The following EYA3 variants were observed in gnomAD, a reference collection of about 807,000 sequenced individuals.
EYA3 encodes the protein EYA transcriptional coactivator and phosphatase 3.
A neutral mutation model predicts 80.0 loss-of-function variants in EYA3; 39 were observed. The observed-to-expected ratio is 0.49, with a 90% CI of 0.38 to 0.64. The LOEUF (loss-of-function observed/expected upper bound fraction) is 0.64, where lower values mean the gene tolerates loss of function less well. EYA3 is among the 30% of genes least tolerant of loss of function. The pLI, the probability that EYA3 is intolerant of heterozygous loss-of-function variation, is 0.00. For missense variants in EYA3, 523 were observed against 676.1 expected (o/e 0.77, Z 2.51); for synonymous variants, 206 against 232.8 (o/e 0.88, Z 1.05).
chr1:27,977,354 G>C, intron 17 of EYA3: 1 of 1,550,516 alleles, frequency 6.4e-7, no homozygotes, highest in South Asian at 1.2e-5. Context: ...GTTCTAGCTG[G>C]CAACCCAATG....
chr1:28,021,113 A>T (rs1003843175), intron 7 of EYA3, among the ~76,000 whole-genome samples: 3 of 152,238 alleles, frequency 2.0e-5, no homozygotes, highest in Non-Finnish European at 4.4e-5. Flanking sequence ...AAGTTTGTGC[A>T]AGATTTAGTT....
chr1:28,070,703 A>C (rs540422146), intron 1 of EYA3, among the ~76,000 whole-genome samples: 36 of 152,326 alleles, frequency 2.4e-4, no homozygotes, highest in African/African-American at 8.7e-4. Flanking sequence ...TGCCTCTCTA[A>C]TGAAAGTGTT....
chr1:28,045,331 T>C (rs999489277), intron 3 of EYA3, among the ~76,000 whole-genome samples: 1 of 152,128 alleles, frequency 6.6e-6, no homozygotes. Flanking sequence ...CTGGACCCCA[T>C]CTCACACCTA....
At chr1:27,977,454 A>G (rs918462382) in intron 17 of EYA3, 3 of 1,444,018 alleles carry the variant, frequency 2.1e-6, no homozygotes, top group East Asian at 2.5e-5. Flanking sequence ...GCAGATGAGG[A>G]TACTCAAAGA....
chr1:28,063,967 G>A (rs1357224164), intron 1 of EYA3, among the ~76,000 whole-genome samples: 1 of 151,496 alleles, frequency 6.6e-6, no homozygotes, highest in Non-Finnish European at 1.5e-5. Flanking sequence ...ACACATTTTA[G>A]ACAATTTTTT....
At chr1:28,056,086 CTGTT>C (rs1644429281) in intron 2 of EYA3, among the ~76,000 whole-genome samples, 1 of 151,880 alleles carries the variant, frequency 6.6e-6, no homozygotes, top group Non-Finnish European at 1.5e-5. Context: ...CTGTATTTGT[CTGTT>C]TGACATCCAT....
At chr1:28,078,875 A>G (rs1439786155) in intron 1 of EYA3, among the ~76,000 whole-genome samples, 1 of 152,238 alleles carries the variant, frequency 6.6e-6, no homozygotes, top group Non-Finnish European at 1.5e-5. Flanking sequence ...GGCTAGCTTC[A>G]AAGCCTGAGT....
chr1:28,024,575 T>G (rs914004118), intron 7 of EYA3, among the ~76,000 whole-genome samples: 1 of 151,782 alleles, frequency 6.6e-6, no homozygotes, highest in Non-Finnish European at 1.5e-5. Context: ...AAGAATCCCT[T>G]GAACCCAGGA....
At chr1:28,061,591 G>GTTTTTTTT (rs61325259) in intron 1 of EYA3, among the ~76,000 whole-genome samples, 1 of 144,904 alleles carries the variant, frequency 6.9e-6, no homozygotes, top group Non-Finnish European at 1.5e-5. Context: ...AATTTAACGT[G>GTTTTTTTT]TTTTTTTTTT....
intron 10 of EYA3, among the ~76,000 whole-genome samples, chr1:28,007,371 G>A (rs1238782096): frequency 7.7e-6 from 1 of 130,458 alleles, no homozygotes; most frequent in Non-Finnish European, 1.6e-5. Context: ...GTCTTGCTCT[G>A]TCACCCAGGC....
intron 1 of EYA3, among the ~76,000 whole-genome samples, chr1:28,084,603 T>A (rs1300610017): frequency 2.1e-3 from 119 of 56,566 alleles, no homozygotes; most frequent in South Asian, 4.9e-3. Flanking sequence ...ATATTTTTTT[T>A]TTTTTTTTTT....
At chr1:27,999,510 G>A (rs1390929397) in intron 12 of EYA3, among the ~76,000 whole-genome samples, 2 of 152,116 alleles carry the variant, frequency 1.3e-5, no homozygotes, top group South Asian at 2.1e-4. Context: ...AATATGATGG[G>A]TTAGAGTAAC....
intron 10 of EYA3, among the ~76,000 whole-genome samples, chr1:28,008,523 A>G (rs1641459894): frequency 1.3e-5 from 2 of 152,078 alleles, no homozygotes; most frequent in South Asian, 4.1e-4. Context: ...GACGACCTAC[A>G]GAATGGGAGA....
At chr1:28,022,529 G>A (rs907829644) in intron 7 of EYA3, among the ~76,000 whole-genome samples, 3 of 152,156 alleles carry the variant, frequency 2.0e-5, no homozygotes, top group South Asian at 4.1e-4. Flanking sequence ...TAATGGATCA[G>A]AGCTCAAGAA....
intron 11 of EYA3, among the ~76,000 whole-genome samples, chr1:28,001,168 T>G (rs960745521): frequency 6.7e-6 from 1 of 148,914 alleles, no homozygotes. Flanking sequence ...ATAATTTATA[T>G]AAACTATATC....
intron 1 of EYA3, among the ~76,000 whole-genome samples, chr1:28,073,123 ATATATTT>A (rs1460876044): frequency 4.9e-5 from 2 of 41,106 alleles, no homozygotes; most frequent in East Asian, 1.8e-3. Flanking sequence ...ATATATATAT[ATATATTT>A]TTTTTTTTTT....
At chr1:28,037,393 C>G (rs1282199043) in intron 5 of EYA3, among the ~76,000 whole-genome samples, 1 of 152,164 alleles carries the variant, frequency 6.6e-6, no homozygotes, top group Non-Finnish European at 1.5e-5. Flanking sequence ...TCAGTACATT[C>G]TAAAAAACTG....
chr1:27,989,151 G>A (rs936102006), intron 15 of EYA3, among the ~76,000 whole-genome samples: 2 of 152,120 alleles, frequency 1.3e-5, no homozygotes, highest in Non-Finnish European at 2.9e-5. Flanking sequence ...TCCACTCCTT[G>A]GTGTCAGCTT....
At chr1:28,052,142 G>A (rs1037973694) in intron 2 of EYA3, among the ~76,000 whole-genome samples, 1 of 152,112 alleles carries the variant, frequency 6.6e-6, no homozygotes, top group African/African-American at 2.4e-5. Context: ...CCGAGTAGCT[G>A]GGACTACAGG....
Sources: allele counts gnomAD v4.1 joint callset (sites outside exome capture counted in the v4.1 genomes callset), GRCh38; gene constraint gnomAD v4.1.1; transcripts MANE v1.5; gene names NCBI Gene and HGNC (gene_info 2026-07-23, HGNC 2026-07-21).